Variants in EXOC4 observed in about 807,000 individuals in gnomAD.
The protein encoded by EXOC4 is SEC8-like 1.
EXOC4 carries 71 observed loss-of-function variants against 107.2 expected under a neutral mutation model. That is an observed-to-expected ratio of 0.66 (90% CI 0.55 to 0.81). The LOEUF (loss-of-function observed/expected upper bound fraction) is 0.81. EXOC4 is among the 30% of genes least tolerant of loss of function. The probability of loss-of-function intolerance (pLI) is 0.00; values close to 1 mark genes in which losing one functional copy is unlikely to be tolerated. For synonymous variants in EXOC4, 456 were observed against 441.2 expected (o/e 1.03, Z -0.42); for missense variants, 1,108 against 1,189.6 (o/e 0.93, Z 1.01).
At chr7:133,483,164 G>T (rs1405478687) in intron 9 of EXOC4, among the ~76,000 whole-genome samples, 1 of 152,200 alleles carries the variant, frequency 6.6e-6, no homozygotes, top group Non-Finnish European at 1.5e-5. Context: ...ATAAATGTTT[G>T]ATAAATACTG....
chr7:133,601,263 C>G (rs561399542), intron 9 of EXOC4, among the ~76,000 whole-genome samples: 7 of 151,770 alleles, frequency 4.6e-5, no homozygotes, highest in Admixed American at 3.9e-4. Context: ...ACTGATAGTC[C>G]TGTTATTTTT....
the EXOC4 span, among the ~76,000 whole-genome samples, chr7:134,083,080 G>A: frequency 6.6e-6 from 1 of 152,200 alleles, no homozygotes; most frequent in Non-Finnish European, 1.5e-5. Flanking sequence ...GTATCAAAAA[G>A]TTTAGAAATT....
chr7:133,776,337 T>C (rs11769114), intron 10 of EXOC4, among the ~76,000 whole-genome samples: 226 of 152,314 alleles, frequency 1.5e-3, no homozygotes, highest in Non-Finnish European at 2.8e-3. Context: ...TCCTGCCAAC[T>C]GAGATGACAT....
intron 9 of EXOC4, among the ~76,000 whole-genome samples, chr7:133,549,924 T>C (rs747277574): frequency 1.2e-4 from 18 of 152,360 alleles, no homozygotes; most frequent in South Asian, 4.1e-4. Context: ...CATTTTTCTT[T>C]GTCATTTTTG....
chr7:133,615,424 A>G (rs1325990988), intron 9 of EXOC4, among the ~76,000 whole-genome samples: 2 of 152,184 alleles, frequency 1.3e-5, no homozygotes, highest in African/African-American at 4.8e-5. Flanking sequence ...CATACAAAAT[A>G]TGTGTTTATT....
At chr7:133,658,656 T>G (rs1803359431) in intron 10 of EXOC4, among the ~76,000 whole-genome samples, 1 of 152,166 alleles carries the variant, frequency 6.6e-6, no homozygotes, top group Admixed American at 6.6e-5. Context: ...AAGTAAGTTG[T>G]AAGCACAACG....
intron 11 of EXOC4, among the ~76,000 whole-genome samples, chr7:133,868,544 G>T (rs960679228): frequency 2.0e-5 from 3 of 152,184 alleles, no homozygotes; most frequent in African/African-American, 7.2e-5. Context: ...GGGATCTAGA[G>T]ATCTGACTAC....
the EXOC4 span, among the ~76,000 whole-genome samples, chr7:134,098,714 C>T: frequency 2.6e-5 from 4 of 152,200 alleles, no homozygotes; most frequent in African/African-American, 9.7e-5. Context: ...ACATCACATT[C>T]AGCCAGTTCC....
intron 11 of EXOC4, among the ~76,000 whole-genome samples, chr7:133,835,260 T>G (rs1189876215): frequency 6.6e-6 from 1 of 152,176 alleles, no homozygotes; most frequent in Non-Finnish European, 1.5e-5. Context: ...GGAAGTTTAT[T>G]TTGCCAAATT....
At chr7:133,455,204 A>G (rs1798435627) in intron 7 of EXOC4, among the ~76,000 whole-genome samples, 1 of 152,252 alleles carries the variant, frequency 6.6e-6, no homozygotes, top group Admixed American at 6.5e-5. Flanking sequence ...TATGTGAGTT[A>G]TACTCTTTCT....
chr7:133,966,923 C>G (rs1178254363), intron 14 of EXOC4, among the ~76,000 whole-genome samples: 1 of 152,122 alleles, frequency 6.6e-6, no homozygotes, highest in Non-Finnish European at 1.5e-5. Context: ...TTTTGTACCT[C>G]TGGTGGAATT....
chr7:133,839,222 A>G (rs557959860), intron 11 of EXOC4, among the ~76,000 whole-genome samples: 1 of 152,202 alleles, frequency 6.6e-6, no homozygotes, highest in Admixed American at 6.5e-5. Flanking sequence ...TTATACTTGT[A>G]TATTGCTGTG....
rs547937371 is a variant in EXOC4, at chr7:133,347,991, A to G, written c.764-8339A>G. ...GTTCTAAAACCTACACGTTGAGTAC[A>G]TATTGTAGCAATATAGATACTAGGG... On this transcript the variant is annotated intron_variant, in intron 5 of 17. Transcript: ENST00000253861. Among the ~76,000 whole-genome samples the G allele has an allele frequency of 5.3e-5, 8 of 152,342 alleles. No individual in the cohort carries two copies. The East Asian group carries it at 1.5e-3, about 29-fold the overall frequency.
chr7:133,372,181 G>C (rs898179668), intron 6 of EXOC4, among the ~76,000 whole-genome samples: 1 of 152,048 alleles, frequency 6.6e-6, no homozygotes, highest in Non-Finnish European at 1.5e-5. Context: ...TTACTTTCTT[G>C]ATGATATCAT....
intron 2 of EXOC4, among the ~76,000 whole-genome samples, chr7:133,282,748 T>C (rs528947193): frequency 1.3e-5 from 2 of 152,228 alleles, no homozygotes; most frequent in Non-Finnish European, 2.9e-5. Context: ...AATTAACATA[T>C]ACTTCACCTC....
intron 7 of EXOC4, among the ~76,000 whole-genome samples, chr7:133,408,999 T>C (rs1040749953): frequency 6.6e-6 from 1 of 152,174 alleles, no homozygotes; most frequent in Non-Finnish European, 1.5e-5. Context: ...AATTTTCTCT[T>C]GCTGGAACTA....
intron 14 of EXOC4, among the ~76,000 whole-genome samples, chr7:133,946,312 A>G (rs1158780831): frequency 2.0e-5 from 3 of 152,158 alleles, no homozygotes; most frequent in Non-Finnish European, 1.5e-5. Context: ...TAAGAAAATT[A>G]ATTTACCATT....
At chr7:133,874,221 G>A (rs908804088) in intron 11 of EXOC4, among the ~76,000 whole-genome samples, 10 of 152,312 alleles carry the variant, frequency 6.6e-5, no homozygotes, top group African/African-American at 2.4e-4. Context: ...TTAAAATTAT[G>A]TTTGGAGCCC....
chr7:133,380,366 C>T (rs1431581241), intron 7 of EXOC4, among the ~76,000 whole-genome samples: 1 of 151,928 alleles, frequency 6.6e-6, no homozygotes, highest in African/African-American at 2.4e-5. Context: ...ATATAATTTA[C>T]ATGCTATAAA....
Sources: allele counts gnomAD v4.1 joint callset (sites outside exome capture counted in the v4.1 genomes callset), GRCh38; gene constraint gnomAD v4.1.1; transcripts MANE v1.5; gene names NCBI Gene and HGNC (gene_info 2026-07-23, HGNC 2026-07-21).